Variants in TBC1D17 observed in about 807,000 individuals in gnomAD.
The protein encoded by TBC1D17 is TBC1 domain family, member 17.
In TBC1D17, 69 loss-of-function variants were observed where a neutral mutation model predicts 78.8. The observed-to-expected ratio is 0.88, with a 90% confidence interval of 0.72 to 1.07. The LOEUF is 1.07. TBC1D17 is among the 50% of genes least tolerant of loss of function. TBC1D17 has a pLI of 0.00. For synonymous variants in TBC1D17, 456 were observed against 358.3 expected, an observed-to-expected ratio of 1.27 and a Z score of -3.08; for missense variants, 957 against 861.0, an observed-to-expected ratio of 1.11 and a Z score of -1.39.
chr19:49,883,069 A>G lies in TBC1D17; in HGVS notation c.1024A>G (p.Lys342Glu). 6.2e-7 allele frequency: 1 copy of G among 1,606,500 alleles called. No individual in the cohort carries two copies. The highest frequency in any genetic ancestry group is 1.1e-5 in the South Asian group (1 of 90,802). Residue 342 changes from lysine (K) to glutamate (E), a missense_variant, in exon 9 of 17, where the codon AAG (lysine) becomes GAG (glutamate). Coordinates refer to ENST00000221543, the MANE Select transcript of TBC1D17 (RefSeq NM_024682.3). ...TGAGGAGCACAAGGCCCACATACGC[A>G]AGAAAACGTGAGTTCTCAGGAGGCC... ...TAEEHKAHIRKKTDEYFRMKL... is the reference protein window; with the variant it reads ...TAEEHKAHIREKTDEYFRMKL...
chr19:49,883,667 A>C lies in TBC1D17; in HGVS notation c.1048A>C (p.Met350Leu). 1 of 1,613,974 alleles carries C rather than the reference A, an allele frequency of 6.2e-7. No individual in the cohort carries two copies. Among genetic ancestry groups the C allele is most frequent in the Non-Finnish European group, 8.5e-7 (1 of 1,179,948 alleles). Residue 350 changes from methionine to leucine, a missense_variant, in exon 10 of 17, where the codon ATG (methionine) becomes CTG (leucine). Coordinates refer to ENST00000221543, the MANE Select transcript of TBC1D17 (RefSeq NM_024682.3). ...GTCACTCAGGGATGAGTATTTCCGC[A>C]TGAAGCTGCAGTGGAAATCTGTGAG... ...IRKKTDEYFR[M>L]KLQWKSVSPE...
At position 49,884,472 on chromosome 19, in the gene TBC1D17, C is replaced by T. The variant is rs35681527; in HGVS notation, c.1257C>T (p.Gly419=). Residue 419 remains glycine, a synonymous_variant, in exon 12 of 17, where the codon GGC becomes GGT. Transcript: ENST00000221543. ...ATGTCCCCCCAGGCTACGTCCAGGG[C>T]ATGAGTGATCTTCTCTCCCCGATCC... ...MYHFDLGYVQ[G]MSDLLSPILY... The T allele has an allele frequency of 0.12, 185,940 of 1,613,850 alleles. 11,824 individuals carry two copies. Among genetic ancestry groups the T allele is most frequent in the African/African-American group, 0.19 (14,057 of 75,002 alleles).
At chr19:49,886,581 G>A (rs893397085) in intron 13 of TBC1D17, 1 of 152,100 alleles carries the variant, frequency 6.6e-6, no homozygotes, top group Non-Finnish European at 1.5e-5. Flanking sequence ...CTGGAGATTC[G>A]GGTCCTTTGC....
Position 49,888,420 on chromosome 19 carries a change from C to A in TBC1D17, c.1747-4C>A. The A allele has an allele frequency of 6.3e-7, 1 of 1,599,232 alleles. No homozygotes were observed. Among genetic ancestry groups the A allele is most frequent in the Non-Finnish European group, 8.5e-7 (1 of 1,176,462 alleles). ...TTTTCGCTTCTCTCATCCCGTGCCT[C>A]CAGGAGCTGCCCCACAACGTGCAGG... On this transcript the variant is annotated splice_region_variant and splice_polypyrimidine_tract_variant and intron_variant, in intron 16 of 16. Coordinates refer to ENST00000221543, the MANE Select transcript of TBC1D17 (RefSeq NM_024682.3).
chr19:49,884,794 G>A (rs1380802605), intron 13 of TBC1D17, 36 bp downstream of exon 13: 6 of 1,585,144 alleles, frequency 3.8e-6, no homozygotes, highest in Non-Finnish European at 3.5e-6. Context: ...GAGACAATGG[G>A]GCCATAGACC....
chr19:49,887,745 A>C lies in TBC1D17; in HGVS notation c.1570A>C (p.Asn524His). The C allele has an allele frequency of 1.2e-6, 2 of 1,613,664 alleles. No homozygotes were observed. Among genetic ancestry groups the C allele is most frequent in the Non-Finnish European group, 8.5e-7 (1 of 1,179,904 alleles). Residue 524 changes from asparagine to histidine, a missense_variant, in exon 15 of 17, where the codon AAT becomes CAT. By Grantham distance (68) the Asn-to-His change is moderately conservative. Transcript: ENST00000221543. ...GCTGTGGACAGGGCTCCCTGGCCCC[A>C]ATCTGCACCTGCTGGTGGCCTGCGC... is the stretch of plus-strand genomic sequence containing the variant. ...EVLWTGLPGPNLHLLVACAIL... is the reference protein window; with the variant it reads ...EVLWTGLPGPHLHLLVACAIL...
At chr19:49,884,207 C>T in intron 10 of TBC1D17, 46 bp from the exon 11 acceptor site, 9 of 1,555,012 alleles carry the variant, frequency 5.8e-6, no homozygotes, top group Middle Eastern at 1.7e-4. Context: ...CAGGGATGGG[C>T]CCCCCTACCT....
In TBC1D17 at chr19:49,877,722, C is replaced by G. The variant is rs200210431; in HGVS notation, c.-2C>G. ...GGGGCAGTGGGGCCTTCGGCGGCGA[C>G]TATGGAAGGAGCCGGCTACAGGGTA... is the stretch of plus-strand genomic sequence containing the variant. On this transcript the variant is annotated 5_prime_UTR_variant, in exon 1 of 17. Transcript: ENST00000221543. 115 of 1,600,584 alleles carry G rather than the reference C, an allele frequency of 7.2e-5. No individual in the cohort carries two copies. The East Asian group carries it at 1.2e-3, about 17-fold the overall frequency.
In TBC1D17 at chr19:49,880,413, G is replaced by A. The variant is rs1600444851; in HGVS notation, c.319+11G>A. ...CAGAGCCCACGAGAGGTAGGCTGAG[G>A]TGGCGGCCCTTGAGAAGCACGTGTG... On this transcript the variant is annotated intron_variant, in intron 4 of 16. Transcript: ENST00000221543. 1 of 1,612,564 alleles carries A rather than the reference G, an allele frequency of 6.2e-7. No individual in the cohort carries two copies. Among genetic ancestry groups the A allele is most frequent in the East Asian group, 2.2e-5 (1 of 44,826 alleles).
rs1279217069 is a variant in TBC1D17 at position 49,882,414 on chromosome 19, G to C, written c.798+14G>C. 1.3e-6 allele frequency: 2 copies of C among 1,593,316 alleles called. No homozygotes were observed. Among genetic ancestry groups the C allele is most frequent in the African/African-American group, 2.7e-5 (2 of 74,740 alleles). On this transcript the variant is annotated intron_variant, in intron 7 of 16. Transcript: ENST00000221543. ...GTCATTTCCTGTGTGAGTAGTGAGT[G>C]GACCCTCCCTGTTATTTCTGGCCGT...
chr19:49,884,134 A>G, intron 10 of TBC1D17, 119 bp from the exon 11 acceptor site: 1 of 912,902 alleles, frequency 1.1e-6, no homozygotes, highest in Non-Finnish European at 1.7e-6. Context: ...TCTCCCCCAG[A>G]GCAAACCCCG....
In TBC1D17 at chr19:49,878,549, A is replaced by C. The variant is rs1418765802; in HGVS notation, c.172A>C (p.Thr58Pro). ...TCCTGTAGAGGAGGCTGGAGATTCC[A>C]CCCAAATCCTCTTCTCCAAGAAGGT... ...WAPVEEAGDS[T>P]QILFSKKDSS... Residue 58 changes from threonine to proline, a missense_variant, in exon 3 of 17, where the codon ACC becomes CCC. Transcript: ENST00000221543. The C allele has an allele frequency of 4.3e-6, 7 of 1,613,912 alleles. No homozygotes were observed. Among genetic ancestry groups the C allele is most frequent in the Non-Finnish European group, 5.9e-6 (7 of 1,179,950 alleles).
intron 14 of TBC1D17, 28 bp downstream of exon 14, chr19:49,887,601 C>T (rs1329368310): frequency 3.7e-6 from 6 of 1,613,154 alleles, no homozygotes; most frequent in Non-Finnish European, 5.1e-6. Flanking sequence ...GGCGAGAGGC[C>T]TGAAGGGGTG....
chr19:49,877,854 A>T, intron 1 of TBC1D17, 110 bp downstream of exon 1: 2 of 1,341,014 alleles, frequency 1.5e-6, no homozygotes, highest in Non-Finnish European at 2.0e-6. Flanking sequence ...GGCCTTGGCA[A>T]ACACCGATCT....
Position 49,888,590 on chromosome 19 carries a change from T to C in TBC1D17, c.1913T>C (p.Leu638Pro), listed in dbSNP as rs1296133208. 5.5e-6 allele frequency: 8 copies of C among 1,448,560 alleles called. No individual in the cohort carries two copies. Among genetic ancestry groups the C allele is most frequent in the African/African-American group, 1.5e-5 (1 of 66,934 alleles). The allele number at this position is 1,448,560 out of a possible 1,614,324, so 89.7% of individuals were successfully genotyped here. A position where few individuals can be genotyped will look rare whatever the true frequency, so the allele number is the denominator to read the frequency against. The change falls in exon 17 of 17, where the codon CTG becomes CCG. Residue 638 changes from leucine (L) to proline (P), a missense_variant. Physicochemically the swap from Leu to Pro is moderately conservative, Grantham distance 98. Transcript: ENST00000221543. Reference sequence around the variant, plus strand: ...CAGCCCGACAGCAGCCTGGAGATCCTGCCCGAGGAGGAGGACGAGGGCGCC... The same window carrying C: ...CAGCCCGACAGCAGCCTGGAGATCCCGCCCGAGGAGGAGGACGAGGGCGCC... ...APQPDSSLEI[L>P]PEEEDEGADS
Position 49,883,733 on chromosome 19 carries a change from C to A in TBC1D17, c.1114C>A (p.Arg372Ser). ...ERRNSLLHGY[R>S]SLIERDVSRT... ...GAGAAACTCACTTCTGCATGGATAC[C>A]GCAGCCTCATCGGTCAGTGTCAGGG... The change falls in exon 10 of 17, where the codon CGC (arginine) becomes AGC (serine). Residue 372 changes from arginine (R) to serine (S), a missense_variant. By Grantham distance (110) the Arg-to-Ser change is moderately radical. Transcript: ENST00000221543. 6.2e-7 allele frequency: 1 copy of A among 1,613,616 alleles called. No individual in the cohort carries two copies. Among genetic ancestry groups the A allele is most frequent in the Non-Finnish European group, 8.5e-7 (1 of 1,179,770 alleles).
At chr19:49,884,217 T>C in intron 10 of TBC1D17, 36 bp from the exon 11 acceptor site, 1 of 1,597,618 alleles carries the variant, frequency 6.3e-7, no homozygotes, top group Non-Finnish European at 8.6e-7. Flanking sequence ...CCCCCCTACC[T>C]TTCTCACCTT....
At chr19:49,887,332 C>G in intron 13 of TBC1D17, 144 bp from the exon 14 acceptor site, 2 of 755,184 alleles carry the variant, frequency 2.6e-6, no homozygotes, top group Non-Finnish European at 4.5e-6. Context: ...GCGTTCAGGG[C>G]TGCTCCTGCC....
At chr19:49,881,600 A>G in intron 5 of TBC1D17, 125 bp downstream of exon 5, 1 of 940,486 alleles carries the variant, frequency 1.1e-6, no homozygotes, top group Non-Finnish European at 1.6e-6. Context: ...AGAGTTGACC[A>G]GCACATATAA....
Sources: allele counts gnomAD v4.1 joint callset, GRCh38; gene constraint gnomAD v4.1.1; transcripts MANE v1.5; gene names NCBI Gene and HGNC (gene_info 2026-07-23, HGNC 2026-07-21).